Variants in SHISAL1 observed in about 807,000 individuals in gnomAD.
SHISAL1 encodes the protein shisa like 1, also known as protein shisa-like-1.
Under a neutral mutation model 22.6 loss-of-function variants are expected in SHISAL1, and 9 were observed. That is an observed-to-expected ratio of 0.40 (90% confidence interval 0.24 to 0.70). The LOEUF (loss-of-function observed/expected upper bound fraction) is 0.70, where lower values mean the gene tolerates loss of function less well. SHISAL1 is among the 30% of genes least tolerant of loss of function. The pLI, the probability that SHISAL1 is intolerant of heterozygous loss-of-function variation, is 0.39. For missense variants in SHISAL1, 246 were observed against 270.6 expected (o/e 0.91, Z 0.64); for synonymous variants, 119 against 115.4 (o/e 1.03, Z -0.20).
At chr22:44,291,998 ATC>A (rs1222143429) in intron 3 of SHISAL1, among the ~76,000 whole-genome samples, 1 of 152,138 alleles carries the variant, frequency 6.6e-6, no homozygotes, top group Non-Finnish European at 1.5e-5. Context: ...GGAAGCGGGC[ATC>A]TCGCCGTGGT....
At chr22:44,277,646 C>T (rs538579756) in intron 4 of SHISAL1, among the ~76,000 whole-genome samples, 7 of 152,042 alleles carry the variant, frequency 4.6e-5, no homozygotes, top group Non-Finnish European at 1.0e-4. Context: ...CCCTGGAGGC[C>T]GAAGGACCCT....
At chr22:44,322,765 A>T in the SHISAL1 span, among the ~76,000 whole-genome samples, 8 of 152,144 alleles carry the variant, frequency 5.3e-5, no homozygotes, top group African/African-American at 1.9e-4. Flanking sequence ...GTCAACAAAG[A>T]TTCATGCAGC....
At chr22:44,283,121 A>T (rs942882118) in intron 4 of SHISAL1, among the ~76,000 whole-genome samples, 7 of 152,230 alleles carry the variant, frequency 4.6e-5, no homozygotes. Context: ...GCTGCGTGTC[A>T]AAGAGCACAG....
At chr22:44,276,711 T>C (rs1212043658) in intron 4 of SHISAL1, among the ~76,000 whole-genome samples, 2 of 152,120 alleles carry the variant, frequency 1.3e-5, no homozygotes, top group Non-Finnish European at 2.9e-5. Flanking sequence ...ATCCAAGAGC[T>C]GCCCTTGAGG....
intron 1 of SHISAL1, among the ~76,000 whole-genome samples, chr22:44,308,071 G>A (rs958814974): frequency 1.3e-5 from 2 of 152,190 alleles, no homozygotes; most frequent in Non-Finnish European, 2.9e-5. Context: ...TGGGGGTCGA[G>A]CCCTCTGCCT....
chr22:44,261,949 T>C (rs2055127504), intron 4 of SHISAL1, among the ~76,000 whole-genome samples: 1 of 152,126 alleles, frequency 6.6e-6, no homozygotes, highest in African/African-American at 2.4e-5. Flanking sequence ...ACACTAGGCC[T>C]TCCATAAGCT....
chr22:44,255,661 C>A (rs941842490), intron 4 of SHISAL1, among the ~76,000 whole-genome samples: 68 of 152,354 alleles, frequency 4.5e-4, no homozygotes, highest in South Asian at 4.1e-4. Context: ...CTGCTCTCAA[C>A]ACAGCAGCCA....
intron 4 of SHISAL1, among the ~76,000 whole-genome samples, chr22:44,267,443 G>A (rs968105819): frequency 4.7e-5 from 7 of 147,834 alleles, no homozygotes; most frequent in Admixed American, 4.7e-4. Flanking sequence ...CCAATCTCAC[G>A]GACTCCACTC....
chr22:44,253,252 G>T (rs1041454636), intron 4 of SHISAL1, among the ~76,000 whole-genome samples: 2 of 151,998 alleles, frequency 1.3e-5, no homozygotes, highest in Non-Finnish European at 2.9e-5. Context: ...TGAAGTCAGG[G>T]CAAAAAATAC....
intron 4 of SHISAL1, among the ~76,000 whole-genome samples, chr22:44,268,779 G>A (rs955755089): frequency 2.6e-5 from 4 of 152,178 alleles, no homozygotes; most frequent in Admixed American, 6.5e-5. Flanking sequence ...GTGAATGGGT[G>A]TGGGTAAGCA....
chr22:44,286,485 A>G (rs1442549964), intron 3 of SHISAL1, among the ~76,000 whole-genome samples: 1 of 152,078 alleles, frequency 6.6e-6, no homozygotes, highest in Non-Finnish European at 1.5e-5. Context: ...AGCCGACTCC[A>G]CTGCAGACAG....
At chr22:44,252,042 T>C (rs1475758448) in intron 4 of SHISAL1, among the ~76,000 whole-genome samples, 3 of 152,172 alleles carry the variant, frequency 2.0e-5, no homozygotes, top group East Asian at 3.8e-4. Flanking sequence ...GCAATGAGCG[T>C]AGAATTTGTG....
rs865843344 is a variant in SHISAL1 at position 44,246,836 on chromosome 22, G to A, written c.*2849C>T. 4 of 14,948 alleles carry A rather than the reference G, an allele frequency of 2.7e-4. No individual in the cohort carries two copies. The highest frequency in any genetic ancestry group is 1.1e-3 in the African/African-American group (4 of 3,802). 0.9% of individuals were successfully genotyped at this position (14,948 alleles called of 1,614,324 possible). A position where few individuals can be genotyped will look rare whatever the true frequency, so the allele number is the denominator to read the frequency against. On this transcript the variant is annotated 3_prime_UTR_variant, in exon 5 of 5. Coordinates refer to ENST00000381176, the MANE Select transcript of SHISAL1 (RefSeq NM_001099294.2). Reference sequence around the variant, plus strand: ...TCGTGGGGGTGACCTGCAGGAAGGAGGATGCCGTGGCTGTCTGCACCAGGT... The same window carrying A: ...TCGTGGGGGTGACCTGCAGGAAGGAAGATGCCGTGGCTGTCTGCACCAGGT...
rs374026100 is a variant in SHISAL1, at chr22:44,285,637, G to C, written c.390C>G (p.Val130=). ...YSAMNYDICK[V]YLARWGIQGR... is the part of the protein sequence containing the mutation. ...CTTGGATGCCCCACCGTGCCAGGTA[G>C]ACCTTGCAGATGTCGTAGTTCATTG... Residue 130 remains valine (V), a synonymous_variant, in exon 4 of 5, where the codon GTC becomes GTG. Transcript: ENST00000381176. The C allele has an allele frequency of 9.3e-6, 15 of 1,614,074 alleles. No homozygotes were observed. In the African/African-American group the frequency reaches 2.0e-4, roughly 22 times the overall value.
intron 2 of SHISAL1, among the ~76,000 whole-genome samples, chr22:44,300,451 C>T (rs2147302215): frequency 6.6e-6 from 1 of 152,322 alleles, no homozygotes; most frequent in Non-Finnish European, 1.5e-5. Context: ...CCAGGGACAG[C>T]CCAGGAGGCT....
intron 3 of SHISAL1, among the ~76,000 whole-genome samples, chr22:44,293,916 C>A (rs1043825101): frequency 1.3e-5 from 2 of 152,240 alleles, no homozygotes; most frequent in African/African-American, 4.8e-5. Context: ...GCCGCCAGGA[C>A]CCCCTGTGCT....
rs767344253 is a variant in SHISAL1, at chr22:44,285,648, T to C, written c.379A>G (p.Ile127Val). The C allele has an allele frequency of 6.2e-7, 1 of 1,614,160 alleles. No homozygotes were observed. Among genetic ancestry groups the C allele is most frequent in the South Asian group, 1.1e-5 (1 of 91,082 alleles). The change falls in exon 4 of 5, where the codon ATC becomes GTC. Residue 127 changes from isoleucine to valine, a missense_variant. Physicochemically the swap from Ile to Val is conservative, Grantham distance 29. Coordinates refer to ENST00000381176, the MANE Select transcript of SHISAL1 (RefSeq NM_001099294.2). ...LLYYSAMNYD[I>V]CKVYLARWGI... is the part of the protein sequence containing the mutation. ...CACCGTGCCAGGTAGACCTTGCAGA[T>C]GTCGTAGTTCATTGCCGAGTAATAC...
chr22:44,256,093 A>T (rs1441546223), intron 4 of SHISAL1, among the ~76,000 whole-genome samples: 1 of 152,034 alleles, frequency 6.6e-6, no homozygotes, highest in African/African-American at 2.4e-5. Context: ...CTGCCTTTAG[A>T]CTCAGGCTGG....
At chr22:44,325,035 G>T in the SHISAL1 span, among the ~76,000 whole-genome samples, 1 of 152,212 alleles carries the variant, frequency 6.6e-6, no homozygotes, top group Admixed American at 6.5e-5. Context: ...CTGAGGTCAG[G>T]AGTTCAAGAT....
Sources: gnomAD v4.1 joint callset for allele counts (sites outside exome capture counted in the v4.1 genomes callset) on GRCh38, gnomAD v4.1.1 for gene constraint, MANE v1.5 for transcripts, NCBI Gene and HGNC (gene_info 2026-07-23, HGNC 2026-07-21) for gene names.